Variants in DIAPH3 observed in about 807,000 individuals in gnomAD.
The protein encoded by DIAPH3 is diaphanous related formin 3.
DIAPH3 carries 117 observed loss-of-function variants against 144.3 expected under a neutral mutation model. That is an observed-to-expected ratio of 0.81 (90% CI 0.70 to 0.95). The LOEUF (loss-of-function observed/expected upper bound fraction) is 0.95, where lower values mean the gene tolerates loss of function less well. DIAPH3 is among the 40% of genes least tolerant of loss of function. The pLI, the probability that DIAPH3 is intolerant of heterozygous loss-of-function variation, is 0.00. For synonymous variants in DIAPH3, 519 were observed against 488.9 expected, an observed-to-expected ratio of 1.06 and a Z score of -0.81; for missense variants, 1,421 against 1,412.7, an observed-to-expected ratio of 1.01 and a Z score of -0.09.
intron 17 of DIAPH3, among the ~76,000 whole-genome samples, chr13:59,960,462 A>G (rs778751280): frequency 2.0e-5 from 3 of 152,154 alleles, no homozygotes; most frequent in Non-Finnish European, 2.9e-5. Context: ...TCTGCTAGCA[A>G]TCTATGAAAC....
At chr13:60,159,894 C>T (rs888168537) in intron 1 of DIAPH3, among the ~76,000 whole-genome samples, 3 of 152,150 alleles carry the variant, frequency 2.0e-5, no homozygotes, top group African/African-American at 7.2e-5. Flanking sequence ...AATGCCCAAA[C>T]ATGGTAAATA....
intron 24 of DIAPH3, among the ~76,000 whole-genome samples, chr13:59,832,644 T>C (rs1014114107): frequency 6.6e-6 from 1 of 151,736 alleles, no homozygotes; most frequent in African/African-American, 2.4e-5. Context: ...TATTAAAGTA[T>C]CCTAAAGGAA....
intron 27 of DIAPH3, among the ~76,000 whole-genome samples, chr13:59,711,413 C>T (rs569470445): frequency 3.3e-4 from 50 of 152,176 alleles, no homozygotes; most frequent in African/African-American, 1.2e-3. Flanking sequence ...ATTTCTACCA[C>T]ACCATTCTCA....
At chr13:59,969,354 A>T (rs969938783) in intron 17 of DIAPH3, among the ~76,000 whole-genome samples, 2 of 152,216 alleles carry the variant, frequency 1.3e-5, no homozygotes, top group Non-Finnish European at 2.9e-5. Context: ...TGTGACTCAT[A>T]GCAATTAATT....
At chr13:59,678,562 C>A (rs1160075269) in intron 27 of DIAPH3, among the ~76,000 whole-genome samples, 3 of 152,070 alleles carry the variant, frequency 2.0e-5, no homozygotes, top group Non-Finnish European at 4.4e-5. Flanking sequence ...GCTTAGACTG[C>A]TAGATCTGTG....
intron 27 of DIAPH3, among the ~76,000 whole-genome samples, chr13:59,736,814 C>T (rs893197631): frequency 3.9e-5 from 6 of 152,026 alleles, no homozygotes; most frequent in Non-Finnish European, 8.8e-5. Context: ...AACAGAGACA[C>T]GGACTGAAGC....
At position 59,980,942 on chromosome 13, in the gene DIAPH3, C is replaced by G. The variant is rs566218103; in HGVS notation, c.1481-83G>C. 1.2e-4 allele frequency: 145 copies of G among 1,168,014 alleles called. No homozygotes were observed. The African/African-American group carries it at 1.8e-3, about 15-fold the overall frequency. 72.4% of individuals were successfully genotyped at this position (1,168,014 alleles called of 1,614,324 possible). A position where few individuals can be genotyped will look rare whatever the true frequency, so the allele number is the denominator to read the frequency against. ...TCAAAAGTTTAGAAAGAAAAAAGAT[C>G]ATAGAAAATAATTAAATACTGATAC... On this transcript the variant is annotated intron_variant, in intron 13 of 27. Transcript: ENST00000400324.
chr13:59,668,844 T>TAC (rs10640305), intron 27 of DIAPH3, among the ~76,000 whole-genome samples: 85,366 of 148,202 alleles, frequency 0.58, 24,795 homozygotes, highest in East Asian at 0.8. Context: ...TATGTATGTA[T>TAC]ACACACACAC....
intron 24 of DIAPH3, among the ~76,000 whole-genome samples, chr13:59,822,811 A>G (rs1199764728): frequency 6.6e-6 from 1 of 152,134 alleles, no homozygotes; most frequent in East Asian, 1.9e-4. Context: ...CTCTCCTTCT[A>G]TCTCTCTGTT....
In DIAPH3 at chr13:59,923,050, C is replaced by A. The variant is rs570954093; in HGVS notation, c.2170+1725G>T. The stretch of plus-strand genomic sequence containing the variant: ...AAGGGCCAAATACAGAACTAGTAAA[C>A]AAAGGTAATCAGTATTTATTAGCTG... On this transcript the variant is annotated intron_variant, in intron 18 of 27. Transcript: ENST00000400324. Among the ~76,000 whole-genome samples the A allele has an allele frequency of 2.4e-4, 37 of 152,134 alleles. No homozygotes were observed. In the East Asian group the frequency reaches 5.0e-3, roughly 21 times the overall value.
At chr13:59,788,794 A>G (rs77222611) in intron 25 of DIAPH3, among the ~76,000 whole-genome samples, 1 of 152,212 alleles carries the variant, frequency 6.6e-6, no homozygotes, top group Non-Finnish European at 1.5e-5. Context: ...AGACCTTTCT[A>G]TGACCACTTA....
chr13:59,755,558 T>C (rs1456770293), intron 27 of DIAPH3, among the ~76,000 whole-genome samples: 3 of 152,016 alleles, frequency 2.0e-5, no homozygotes, highest in African/African-American at 4.8e-5. Flanking sequence ...AAAAAGAGAA[T>C]GAGTGGCTAG....
At chr13:59,818,549 A>G (rs1018684464) in intron 24 of DIAPH3, among the ~76,000 whole-genome samples, 1 of 151,390 alleles carries the variant, frequency 6.6e-6, no homozygotes, top group African/African-American at 2.4e-5. Flanking sequence ...CATTTTATTT[A>G]TCTGGCTTTG....
chr13:59,830,652 C>T (rs981229234), intron 24 of DIAPH3, among the ~76,000 whole-genome samples: 1 of 151,708 alleles, frequency 6.6e-6, no homozygotes, highest in Non-Finnish European at 1.5e-5. Flanking sequence ...CACAGAATGC[C>T]AAAACCCTCT....
In DIAPH3 at chr13:59,992,560, A is replaced by G. The variant is rs751240492; in HGVS notation, c.1038T>C (p.Asn346=). ...QLQVACMQLI[N]ALVTSPDDLD... Reference sequence around the variant, plus strand: ...AATCATCAGGAGATGTAACCAGGGCATTGATGAGCTGCATACAAGCTACCT... The same window carrying G: ...AATCATCAGGAGATGTAACCAGGGCGTTGATGAGCTGCATACAAGCTACCT... The change falls in exon 10 of 28, where the codon AAT becomes AAC. Residue 346 remains asparagine, a synonymous_variant. Coordinates refer to ENST00000400324, the MANE Select transcript of DIAPH3 (RefSeq NM_001042517.2). 6 of 1,611,992 alleles carry G rather than the reference A, an allele frequency of 3.7e-6. No individual in the cohort carries two copies. The highest frequency in any genetic ancestry group is 4.2e-6 in the Non-Finnish European group (5 of 1,179,040).
At chr13:59,850,466 C>G (rs978771941) in intron 22 of DIAPH3, among the ~76,000 whole-genome samples, 6 of 151,442 alleles carry the variant, frequency 4.0e-5, no homozygotes, top group African/African-American at 1.5e-4. Flanking sequence ...CTGTCATAGA[C>G]AGCTCTTATT....
intron 27 of DIAPH3, among the ~76,000 whole-genome samples, chr13:59,697,727 G>A (rs1433926913): frequency 6.6e-6 from 1 of 152,062 alleles, no homozygotes; most frequent in Non-Finnish European, 1.5e-5. Context: ...CTGAGGATGG[G>A]AGGTTGGGTT....
At chr13:59,825,842 A>C (rs2041378425) in intron 24 of DIAPH3, among the ~76,000 whole-genome samples, 1 of 152,140 alleles carries the variant, frequency 6.6e-6, no homozygotes, top group Non-Finnish European at 1.5e-5. Context: ...TTCTTTTCAG[A>C]AGTGTCTGTT....
chr13:59,834,953 C>A (rs1341363813), intron 23 of DIAPH3, among the ~76,000 whole-genome samples: 6 of 151,644 alleles, frequency 4.0e-5, no homozygotes, highest in Non-Finnish European at 7.4e-5. Context: ...ATGCATTGAA[C>A]CACAAGTGTT....
Sources: allele counts gnomAD v4.1 joint callset (sites outside exome capture counted in the v4.1 genomes callset), GRCh38; gene constraint gnomAD v4.1.1; transcripts MANE v1.5; gene names NCBI Gene and HGNC (gene_info 2026-07-23, HGNC 2026-07-21).